UBE4B: variants seen among roughly 807,000 people sequenced by gnomAD.
The protein encoded by UBE4B is ubiquitin conjugation factor E4 B.
Under a neutral mutation model 148.1 loss-of-function variants are expected in UBE4B, and 27 were observed. That is an observed-to-expected ratio of 0.18 (90% CI 0.13 to 0.25). UBE4B has a LOEUF of 0.25. Among genes scored for constraint, UBE4B ranks in the 10% least tolerant of loss-of-function variants. The probability of loss-of-function intolerance (pLI) is 1.00; values close to 1 mark genes in which losing one functional copy is unlikely to be tolerated. For missense variants in UBE4B, 1,170 were observed against 1,662.4 expected, an observed-to-expected ratio of 0.70 and a Z score of 5.15; for synonymous variants, 596 against 619.3, an observed-to-expected ratio of 0.96 and a Z score of 0.56.
intron 2 of UBE4B, among the ~76,000 whole-genome samples, chr1:10,080,878 C>G (rs1195743161): frequency 6.6e-6 from 1 of 152,024 alleles, no homozygotes; most frequent in Non-Finnish European, 1.5e-5. Context: ...TACAAATAGA[C>G]AGTAGATGGT....
intron 2 of UBE4B, among the ~76,000 whole-genome samples, chr1:10,088,684 TTATTATTA>T (rs1256908914): frequency 6.6e-6 from 1 of 151,670 alleles, no homozygotes; most frequent in Non-Finnish European, 1.5e-5. Context: ...TTTTATTATT[TTATTATTA>T]TTTTTGAGAC....
intron 2 of UBE4B, among the ~76,000 whole-genome samples, chr1:10,081,629 C>T (rs773648714): frequency 3.3e-5 from 5 of 151,750 alleles, no homozygotes; most frequent in Non-Finnish European, 7.4e-5. Flanking sequence ...GCTCTTGTCA[C>T]CTAGGCTGGA....
chr1:10,083,825 G>A (rs1363986156), intron 2 of UBE4B, among the ~76,000 whole-genome samples: 1 of 152,240 alleles, frequency 6.6e-6, no homozygotes, highest in South Asian at 2.1e-4. Flanking sequence ...ACTGGCCTTC[G>A]GGCCCCCAAA....
At chr1:10,081,395 A>G (rs1239109101) in intron 2 of UBE4B, among the ~76,000 whole-genome samples, 1 of 151,852 alleles carries the variant, frequency 6.6e-6, no homozygotes, top group Non-Finnish European at 1.5e-5. Flanking sequence ...AATATAGGGA[A>G]CAACATCCTT....
chr1:10,102,193 A>C (rs1444865754), intron 4 of UBE4B, among the ~76,000 whole-genome samples: 1 of 151,980 alleles, frequency 6.6e-6, no homozygotes, highest in East Asian at 1.9e-4. Flanking sequence ...ATGTTTACAA[A>C]ATTCTTTTTT....
intron 1 of UBE4B, among the ~76,000 whole-genome samples, chr1:10,038,215 G>A (rs1643615522): frequency 6.6e-6 from 1 of 150,552 alleles, no homozygotes; most frequent in African/African-American, 2.4e-5. Context: ...GGGAGGCGGA[G>A]GTTGCAGTGG....
chr1:10,119,600 C>G lies in UBE4B; in HGVS notation c.1426C>G (p.Leu476Val). ...SHTALVLQGS[L>V]TQPRSLQQPS... ...TACTGCTTTAGTACTACAAGGCTCC[C>G]TAACACAGCCCAGGTATGAAGACCC... The change falls in exon 9 of 28, where the codon CTA (leucine) becomes GTA (valine). Residue 476 changes from leucine (L) to valine (V), a missense_variant. This residue lies in a region of UBE4B where 388 missense variants were observed against 536.0 expected (regional missense o/e 0.72). Coordinates refer to ENST00000343090, the MANE Select transcript of UBE4B (RefSeq NM_001105562.3). 1 of 1,613,018 alleles carries G rather than the reference C, an allele frequency of 6.2e-7. No individual in the cohort carries two copies. The highest frequency in any genetic ancestry group is 8.5e-7 in the Non-Finnish European group (1 of 1,179,292).
Position 10,161,378 on chromosome 1 carries a change from G to T in UBE4B, c.3198+92G>T. The stretch of plus-strand genomic sequence containing the variant: ...GCTTTGGGGCTGCATTTGTGGGTCT[G>T]ATGATATGCGATCTGACATGCTGGG... On this transcript the variant is annotated intron_variant, in intron 23 of 27. Coordinates refer to ENST00000343090, the MANE Select transcript of UBE4B (RefSeq NM_001105562.3). This position sits in a 1 kb window ranked among gnomAD's most constrained non-coding sequence, Gnocchi z 4.1. The T allele has an allele frequency of 1.4e-6, 2 of 1,413,314 alleles. No homozygotes were observed. The highest frequency in any genetic ancestry group is 1.9e-6 in the Non-Finnish European group (2 of 1,045,322). 87.5% of individuals were successfully genotyped at this position (1,413,314 alleles called of 1,614,324 possible). A position where few individuals can be genotyped will look rare whatever the true frequency, so the allele number is the denominator to read the frequency against.
At chr1:10,154,298 A>T (rs1004310357) in intron 21 of UBE4B, among the ~76,000 whole-genome samples, 2 of 151,776 alleles carry the variant, frequency 1.3e-5, no homozygotes, top group African/African-American at 4.8e-5. Flanking sequence ...CATGCGTGTA[A>T]TCCCAGCAAC....
intron 25 of UBE4B, among the ~76,000 whole-genome samples, chr1:10,172,910 C>G (rs779482098): frequency 1.3e-5 from 2 of 152,112 alleles, no homozygotes; most frequent in African/African-American, 2.4e-5. Flanking sequence ...GAATACTCAC[C>G]ATTGTGTTAC....
At chr1:10,116,068 G>A (rs1422519213) in intron 7 of UBE4B, among the ~76,000 whole-genome samples, 1 of 152,194 alleles carries the variant, frequency 6.6e-6, no homozygotes, top group African/African-American at 2.4e-5. Context: ...TCTTGGTCCT[G>A]TTAGTTTCTA....
intron 15 of UBE4B, among the ~76,000 whole-genome samples, chr1:10,134,662 T>C (rs1645648852): frequency 6.6e-6 from 1 of 152,218 alleles, no homozygotes; most frequent in Admixed American, 6.5e-5. Context: ...TCATTGACTT[T>C]AGGATACAGT....
At chr1:10,054,375 A>G (rs1644119986) in intron 1 of UBE4B, 1 of 200,616 alleles carries the variant, frequency 5.0e-6, no homozygotes, top group Admixed American at 5.7e-5. Flanking sequence ...AGGGGACACC[A>G]CACTTCTACT....
At chr1:10,179,063 C>T in intron 26 of UBE4B, 1 of 478,824 alleles carries the variant, frequency 2.1e-6, no homozygotes, top group Non-Finnish European at 3.6e-6. Context: ...GGCAGGGCTG[C>T]CTTTGCAAGT....
At chr1:10,135,215 T>G (rs1645659971) in intron 16 of UBE4B, 29 bp downstream of exon 16, 2 of 1,591,968 alleles carry the variant, frequency 1.3e-6, no homozygotes, top group East Asian at 4.5e-5. Flanking sequence ...ACTCGGTCAT[T>G]AAAACACTGC....
intron 25 of UBE4B, among the ~76,000 whole-genome samples, chr1:10,174,452 G>C (rs1464202699): frequency 6.6e-6 from 1 of 151,240 alleles, no homozygotes; most frequent in Non-Finnish European, 1.5e-5. Flanking sequence ...TGTAATCCCA[G>C]CACTTTGGGG....
chr1:10,042,719 T>C (rs1643819252), intron 1 of UBE4B, among the ~76,000 whole-genome samples: 1 of 152,126 alleles, frequency 6.6e-6, no homozygotes, highest in Admixed American at 6.6e-5. Context: ...TGAAGAGAAA[T>C]ACTTAGGGAT....
In UBE4B at chr1:10,178,917, G is replaced by A. The variant is rs564417361; in HGVS notation, c.3700+99G>A. The A allele has an allele frequency of 1.2e-4, 159 of 1,280,634 alleles. 4 individuals carry two copies. The South Asian group carries it at 1.7e-3, about 14-fold the overall frequency. The allele number at this position is 1,280,634 out of a possible 1,614,324, so 79.3% of individuals were successfully genotyped here. On this transcript the variant is annotated intron_variant, in intron 26 of 27. Transcript: ENST00000343090. ...CCTGTGCAATTAATTTTTTAATGGTGTGCTAGAGCTGCTTTTTGAGACAAT... is the reference window on the plus strand; with the variant it reads ...CCTGTGCAATTAATTTTTTAATGGTATGCTAGAGCTGCTTTTTGAGACAAT...
At chr1:10,139,746 A>G (rs973584923) in intron 17 of UBE4B, among the ~76,000 whole-genome samples, 4 of 151,808 alleles carry the variant, frequency 2.6e-5, no homozygotes, top group African/African-American at 7.3e-5. Flanking sequence ...GAGGAGGTTC[A>G]CTCTTGTTGC....
Sources: allele counts gnomAD v4.1 joint callset (sites outside exome capture counted in the v4.1 genomes callset), GRCh38; gene constraint gnomAD v4.1.1; regional missense constraint gnomAD v4.1.1; non-coding constraint Gnocchi (gnomAD v3.1); transcripts MANE v1.5; gene names NCBI Gene and HGNC (gene_info 2026-07-23, HGNC 2026-07-21).